Variants in TSC22D1 observed in about 807,000 individuals in gnomAD.
TSC22D1 encodes TSC22 domain family member 1.
TSC22D1 carries 9 observed loss-of-function variants against 74.2 expected under a neutral mutation model. The ratio of observed to expected loss-of-function variants is 0.12; its 90% CI spans 0.07 to 0.21. TSC22D1 has a LOEUF of 0.21. TSC22D1 is among the 10% of genes least tolerant of loss of function. The pLI, the probability that TSC22D1 is intolerant of heterozygous loss-of-function variation, is 1.00. For synonymous variants in TSC22D1, 586 were observed against 492.5 expected (o/e 1.19, Z -2.51); for missense variants, 1,427 against 1,304.7 (o/e 1.09, Z -1.44).
chr13:44,456,236 G>T (rs772910759), intron 1 of TSC22D1, among the ~76,000 whole-genome samples: 7 of 152,180 alleles, frequency 4.6e-5, no homozygotes, highest in African/African-American at 1.2e-4. Context: ...CTTCCACGGC[G>T]GAGAAGAAGA....
At chr13:44,570,778 G>A (rs1883711834) in intron 1 of TSC22D1, among the ~76,000 whole-genome samples, 2 of 152,134 alleles carry the variant, frequency 1.3e-5, no homozygotes, top group South Asian at 4.1e-4. Flanking sequence ...TGGTGACCAA[G>A]CCCAGAAGAT....
intron 1 of TSC22D1, among the ~76,000 whole-genome samples, chr13:44,522,871 A>G (rs951554461): frequency 1.8e-4 from 27 of 152,106 alleles, no homozygotes; most frequent in African/African-American, 6.3e-4. Flanking sequence ...ACACTGTTTA[A>G]AAAAAATGAA....
At chr13:44,536,925 TGAAAAAAAAA>T in intron 1 of TSC22D1, 1 of 608,574 alleles carries the variant, frequency 1.6e-6, no homozygotes, top group Non-Finnish European at 1.8e-6. Flanking sequence ...AGTATTTTTC[TGAAAAAAAAA>T]AAAAAAAAAA....
At chr13:44,496,610 G>A (rs748814838) in intron 1 of TSC22D1, among the ~76,000 whole-genome samples, 12 of 152,092 alleles carry the variant, frequency 7.9e-5, no homozygotes, top group Admixed American at 2.0e-4. Flanking sequence ...ACTGGAACCC[G>A]AGAGGTGGAG....
chr13:44,542,405 C>T (rs925607442), intron 1 of TSC22D1, among the ~76,000 whole-genome samples: 2 of 151,988 alleles, frequency 1.3e-5, no homozygotes, highest in African/African-American at 2.4e-5. Flanking sequence ...AGGAACTTTA[C>T]GTTAAATGCA....
chr13:44,517,845 ATATATATATATATTTTTTTT>A lies in TSC22D1; in HGVS notation c.2912+55298_2912+55317del, dbSNP rs1566149866. Among the ~76,000 whole-genome samples the A allele has an allele frequency of 1.5e-3, 35 of 23,080 alleles. 3 individuals carry two copies. The East Asian group carries it at 0.016, about 11-fold the overall frequency. The allele number at this position is 23,080 out of a possible 152,430, so 15.1% of individuals were successfully genotyped here. Reference sequence around the variant, plus strand: ...TGTGTGTGTGTATATATATATATATATATATATATATATTTTTTTTTTTTTTTTTTTTTTAACAAGGTCTC... The same window carrying A: ...TGTGTGTGTGTATATATATATATATATTTTTTTTTTTTTTAACAAGGTCTC... On this transcript the variant is annotated intron_variant, in intron 1 of 2. Transcript: ENST00000458659.
intron 1 of TSC22D1, among the ~76,000 whole-genome samples, chr13:44,544,632 T>C (rs1221312453): frequency 6.6e-6 from 1 of 151,358 alleles, no homozygotes; most frequent in Non-Finnish European, 1.5e-5. Flanking sequence ...GGACAGTAAT[T>C]TCCTAAAAGA....
At position 44,534,699 on chromosome 13, in the gene TSC22D1, C is replaced by T. The variant is rs150692822; in HGVS notation, c.2912+38464G>A. ...TTCTTGATCCTCAGTACAAGACTTCCGAGTTACAGTGCTAAGTAAACATTT... is the reference window on the plus strand; with the variant it reads ...TTCTTGATCCTCAGTACAAGACTTCTGAGTTACAGTGCTAAGTAAACATTT... On this transcript the variant is annotated intron_variant, in intron 1 of 2. Transcript: ENST00000458659. Among the ~76,000 whole-genome samples the T allele has an allele frequency of 1.9e-3, 294 of 152,224 alleles. 7 individuals are homozygous for T. In the East Asian group the frequency reaches 0.031, roughly 16 times the overall value.
chr13:44,510,219 TA>T (rs760309642), intron 1 of TSC22D1, among the ~76,000 whole-genome samples: 1,749 of 129,948 alleles, frequency 0.013, 13 homozygotes, highest in African/African-American at 0.031. Context: ...CCCTGTCTAC[TA>T]AAAAAAAAAA....
intron 1 of TSC22D1, chr13:44,536,846 C>CA: frequency 1.0e-6 from 1 of 966,196 alleles, no homozygotes; most frequent in Non-Finnish European, 1.2e-6. Flanking sequence ...CAAAAACATA[C>CA]AAAACAGATC....
At chr13:44,524,179 C>G (rs1880444750) in intron 1 of TSC22D1, among the ~76,000 whole-genome samples, 1 of 151,642 alleles carries the variant, frequency 6.6e-6, no homozygotes, top group African/African-American at 2.4e-5. Flanking sequence ...TCGTGGGACT[C>G]AAACTAAATT....
intron 1 of TSC22D1, among the ~76,000 whole-genome samples, chr13:44,446,233 T>A (rs1043770734): frequency 2.0e-5 from 3 of 152,118 alleles, no homozygotes; most frequent in African/African-American, 7.2e-5. Flanking sequence ...CTCAAATATA[T>A]TATGGTAAGA....
intron 2 of TSC22D1, 114 bp downstream of exon 2, chr13:44,435,930 G>T: frequency 8.9e-7 from 1 of 1,117,572 alleles, no homozygotes; most frequent in Non-Finnish European, 1.3e-6. Flanking sequence ...GCATTTCTAC[G>T]CGCATCAAGA....
intron 1 of TSC22D1, among the ~76,000 whole-genome samples, chr13:44,546,749 C>CGTGTGTGTGT (rs58111185): frequency 7.2e-4 from 106 of 146,736 alleles, no homozygotes; most frequent in African/African-American, 1.9e-3. Context: ...GTGTGAAATA[C>CGTGTGTGTGT]GTGTGTGTGT....
At chr13:44,560,222 G>A (rs919740970) in intron 1 of TSC22D1, among the ~76,000 whole-genome samples, 4 of 151,966 alleles carry the variant, frequency 2.6e-5, no homozygotes, top group African/African-American at 7.2e-5. Context: ...TTGAGCTCAG[G>A]AGTTTGAGCC....
chr13:44,554,426 T>C (rs1287622855), intron 1 of TSC22D1, among the ~76,000 whole-genome samples: 1 of 152,098 alleles, frequency 6.6e-6, no homozygotes, highest in Non-Finnish European at 1.5e-5. Context: ...TTGAGCACAA[T>C]ATAAACTTAT....
chr13:44,507,874 A>T (rs180729382), intron 1 of TSC22D1, among the ~76,000 whole-genome samples: 1 of 152,298 alleles, frequency 6.6e-6, no homozygotes, highest in Admixed American at 6.5e-5. Flanking sequence ...GGAAGATATA[A>T]GGCACTACGA....
At chr13:44,570,964 AATATAAT>A (rs1460928005) in intron 1 of TSC22D1, among the ~76,000 whole-genome samples, 12 of 152,330 alleles carry the variant, frequency 7.9e-5, no homozygotes, top group Admixed American at 5.2e-4. Context: ...CACAATAAAG[AATATAAT>A]ATATATCTTT....
intron 1 of TSC22D1, among the ~76,000 whole-genome samples, chr13:44,437,650 ATCCACAGGTTGAAT>A (rs1485780416): frequency 6.6e-6 from 1 of 152,186 alleles, no homozygotes; most frequent in African/African-American, 2.4e-5. Context: ...AAAAAAGTCA[ATCCACAGGTTGAAT>A]TCCACATAAA....
Sources: allele counts gnomAD v4.1 joint callset (sites outside exome capture counted in the v4.1 genomes callset), GRCh38; gene constraint gnomAD v4.1.1; transcripts MANE v1.5; gene names NCBI Gene and HGNC (gene_info 2026-07-23, HGNC 2026-07-21).